Variants in MAFF observed in about 807,000 individuals in gnomAD.
The protein encoded by MAFF is MAF bZIP transcription factor F.
MAFF carries 4 observed loss-of-function variants against 2.7 expected under a neutral mutation model. The observed-to-expected ratio is 1.48, with a 90% CI of 0.73 to 3.39. The LOEUF is 3.39. MAFF is among the 30% of genes most tolerant of loss of function. The pLI is 0.01. For missense variants in MAFF, 190 were observed against 246.6 expected (o/e 0.77, Z 1.54); for synonymous variants, 113 against 119.4 (o/e 0.95, Z 0.35).
At position 38,215,485 on chromosome 22, in the gene MAFF, C is replaced by T. The variant is rs955106035; in HGVS notation, c.*607C>T. On this transcript the variant is annotated 3_prime_UTR_variant, in exon 3 of 3. Coordinates refer to ENST00000338483, the MANE Select transcript of MAFF (RefSeq NM_012323.4). ...AAAACCTGGGTGTCCTCACTGCTGC[C>T]CTGAGTCCAGCCATGGTTTTCAGGG... 2 of 167,196 alleles carry T rather than the reference C, an allele frequency of 1.2e-5. No individual in the cohort carries two copies. The highest frequency in any genetic ancestry group is 2.9e-5 in the Non-Finnish European group (2 of 68,198). 10.4% of individuals were successfully genotyped at this position (167,196 alleles called of 1,614,324 possible).
chr22:38,213,913 C>A, intron 2 of MAFF, 24 bp downstream of exon 2: 1 of 1,613,380 alleles, frequency 6.2e-7, no homozygotes, highest in South Asian at 1.1e-5. Flanking sequence ...CTCTGTCAAC[C>A]CAGTGAAGCC....
chr22:38,208,555 G>A (rs911801778), intron 1 of MAFF, among the ~76,000 whole-genome samples: 3 of 152,190 alleles, frequency 2.0e-5, no homozygotes, highest in Non-Finnish European at 2.9e-5. Flanking sequence ...CTTGGAACCC[G>A]GCTTGGTGAC....
chr22:38,214,489 G>A lies in MAFF; in HGVS notation c.106G>A (p.Glu36Lys), dbSNP rs1435280098. 1.9e-6 allele frequency: 3 copies of A among 1,610,384 alleles called. No homozygotes were observed. Among genetic ancestry groups the A allele is most frequent in the Non-Finnish European group, 2.5e-6 (3 of 1,179,476 alleles). The change falls in exon 3 of 3, where the codon GAG becomes AAG. Residue 36 changes from glutamate to lysine, a missense_variant. This residue lies in a region of MAFF where 87 missense variants were observed against 143.6 expected (regional missense o/e 0.61). Transcript: ENST00000338483. The surrounding 1 kb of genome is among the most constrained non-coding windows in gnomAD (Gnocchi z 6.3). ...DEALMGLSVRELNRHLRGLSA... is the reference protein window; with the variant it reads ...DEALMGLSVRKLNRHLRGLSA... Reference sequence around the variant, plus strand: ...GGCGCTGATGGGGCTGTCGGTGCGCGAGCTGAACCGGCATCTGCGCGGGCT... The same window carrying A: ...GGCGCTGATGGGGCTGTCGGTGCGCAAGCTGAACCGGCATCTGCGCGGGCT...
chr22:38,214,710 C>G lies in MAFF; in HGVS notation c.327C>G (p.Gly109=), dbSNP rs1191288342. The change falls in exon 3 of 3, where the codon GGC becomes GGG. Residue 109 remains glycine, a synonymous_variant. Transcript: ENST00000338483. This position sits in a 1 kb window ranked among gnomAD's most constrained non-coding sequence, Gnocchi z 6.3. ...AMRLELDALR[G]KCEALQGFAR... ...GCCTGGAGCTCGACGCGCTGCGCGG[C>G]AAGTGCGAGGCGCTGCAGGGCTTCG... 6.5e-7 allele frequency: 1 copy of G among 1,536,578 alleles called. No individual in the cohort carries two copies. The highest frequency in any genetic ancestry group is 8.7e-7 in the Non-Finnish European group (1 of 1,143,526).
chr22:38,214,038 C>A lies in MAFF; in HGVS notation c.36+149C>A. On this transcript the variant is annotated intron_variant, in intron 2 of 2. Transcript: ENST00000338483. This position sits in a 1 kb window ranked among gnomAD's most constrained non-coding sequence, Gnocchi z 6.3. The stretch of plus-strand genomic sequence containing the variant: ...ATGATGCCAAAGGGAAGGGCCACAG[C>A]CATGGGCTGGGACCAGGAGGCCTGG... 1.2e-6 allele frequency: 1 copy of A among 829,910 alleles called. No homozygotes were observed. The highest frequency in any genetic ancestry group is 1.9e-6 in the Non-Finnish European group (1 of 522,502). 51.4% of individuals were successfully genotyped at this position (829,910 alleles called of 1,614,324 possible). A position where few individuals can be genotyped will look rare whatever the true frequency, so the allele number is the denominator to read the frequency against.
chr22:38,210,623 AGTGTGTGTGTGTGTGTGTGT>A (rs71195095), intron 1 of MAFF, among the ~76,000 whole-genome samples: 1 of 132,918 alleles, frequency 7.5e-6, no homozygotes, highest in African/African-American at 2.9e-5. Flanking sequence ...GGACACAGGG[AGTGTGTGTGTGTGTGTGTGT>A]GTGTGTGTGT....
chr22:38,207,213 C>T (rs2091058713), intron 1 of MAFF, among the ~76,000 whole-genome samples: 1 of 150,116 alleles, frequency 6.7e-6, no homozygotes, highest in Non-Finnish European at 1.5e-5. Context: ...CTCTGCCTCC[C>T]AGGTTCTAAG....
chr22:38,208,164 G>C (rs2091067826), intron 1 of MAFF, among the ~76,000 whole-genome samples: 1 of 152,184 alleles, frequency 6.6e-6, no homozygotes, highest in Admixed American at 6.5e-5. Context: ...CTCCTGGACA[G>C]ACAGCAATTC....
chr22:38,214,816 G>T lies in MAFF; in HGVS notation c.433G>T (p.Gly145Cys), dbSNP rs773046312. 1.3e-5 allele frequency: 20 copies of T among 1,491,554 alleles called. No individual in the cohort carries two copies. The South Asian group carries it at 2.5e-4, about 19-fold the overall frequency. The allele number at this position is 1,491,554 out of a possible 1,614,324, so 92.4% of individuals were successfully genotyped here. ...SVITIVKSTP[G>C]SGSGPAHGPD... is the part of the protein sequence containing the mutation. ...CATCACCATCGTCAAGTCCACCCCG[G>T]GCTCGGGGTCTGGCCCCGCCCACGG... Residue 145 changes from glycine to cysteine, a missense_variant, in exon 3 of 3, where the codon GGC (glycine) becomes TGC (cysteine). Coordinates refer to ENST00000338483, the MANE Select transcript of MAFF (RefSeq NM_012323.4). This position sits in a 1 kb window ranked among gnomAD's most constrained non-coding sequence, Gnocchi z 6.3.
Position 38,214,725 on chromosome 22 carries a change from G to C in MAFF, c.342G>C (p.Leu114=), listed in dbSNP as rs973377784. The change falls in exon 3 of 3, where the codon CTG becomes CTC. Residue 114 remains leucine (L), a synonymous_variant. Coordinates refer to ENST00000338483, the MANE Select transcript of MAFF (RefSeq NM_012323.4). This position sits in a 1 kb window ranked among gnomAD's most constrained non-coding sequence, Gnocchi z 6.3. ...LDALRGKCEA[L]QGFARSVAAA... is the part of the protein sequence containing the mutation. ...CGCTGCGCGGCAAGTGCGAGGCGCTGCAGGGCTTCGCGCGCTCCGTGGCCG... is the reference window on the plus strand; with the variant it reads ...CGCTGCGCGGCAAGTGCGAGGCGCTCCAGGGCTTCGCGCGCTCCGTGGCCG... 1.9e-5 allele frequency: 28 copies of C among 1,491,174 alleles called. No homozygotes were observed. Among genetic ancestry groups the C allele is most frequent in the Non-Finnish European group, 2.5e-5 (28 of 1,127,084 alleles). The allele number at this position is 1,491,174 out of a possible 1,614,324, so 92.4% of individuals were successfully genotyped here. A position where few individuals can be genotyped will look rare whatever the true frequency, so the allele number is the denominator to read the frequency against.
intron 1 of MAFF, among the ~76,000 whole-genome samples, chr22:38,207,641 C>T (rs1030007652): frequency 2.0e-5 from 3 of 151,388 alleles, no homozygotes; most frequent in Non-Finnish European, 4.4e-5. Flanking sequence ...TGCTTTGTCA[C>T]CCAGGGAGTG....
At chr22:38,207,868 T>C (rs149661943) in intron 1 of MAFF, among the ~76,000 whole-genome samples, 192 of 152,286 alleles carry the variant, frequency 1.3e-3, no homozygotes, top group African/African-American at 4.3e-3. Flanking sequence ...CCTGGACTAC[T>C]CTATTGTCCT....
intron 1 of MAFF, among the ~76,000 whole-genome samples, chr22:38,204,796 G>A (rs772737663): frequency 8.5e-5 from 13 of 152,288 alleles, no homozygotes; most frequent in Admixed American, 2.6e-4. Flanking sequence ...ACAGGAATAC[G>A]GTTGAGGCCT....
intron 1 of MAFF, among the ~76,000 whole-genome samples, chr22:38,207,180 G>A (rs575685680): frequency 5.3e-5 from 8 of 152,002 alleles, no homozygotes; most frequent in African/African-American, 1.7e-4. Flanking sequence ...GAGTGCAGTC[G>A]CGTAATCTCG....
chr22:38,210,105 C>A (rs936882430), intron 1 of MAFF, among the ~76,000 whole-genome samples: 2 of 152,138 alleles, frequency 1.3e-5, no homozygotes, highest in Non-Finnish European at 2.9e-5. Flanking sequence ...TCAGGGGTCA[C>A]CCCATGAAGC....
At chr22:38,213,619 A>G (rs1351429368) in intron 1 of MAFF, 4 of 664,376 alleles carry the variant, frequency 6.0e-6, no homozygotes, top group Non-Finnish European at 1.1e-5. Flanking sequence ...CTAGAACAGT[A>G]AAGAGCACAG....
chr22:38,210,787 T>G (rs1020331029), intron 1 of MAFF, among the ~76,000 whole-genome samples: 1 of 151,972 alleles, frequency 6.6e-6, no homozygotes, highest in African/African-American at 2.4e-5. Flanking sequence ...AGGCCATGCG[T>G]CGTGGCTCAT....
At chr22:38,204,583 G>A (rs928207000) in intron 1 of MAFF, among the ~76,000 whole-genome samples, 2 of 152,178 alleles carry the variant, frequency 1.3e-5, no homozygotes, top group Admixed American at 1.3e-4. Flanking sequence ...GGGAACCCCA[G>A]AGAAACAGGA....
At chr22:38,207,960 C>T (rs1200669631) in intron 1 of MAFF, among the ~76,000 whole-genome samples, 1 of 152,166 alleles carries the variant, frequency 6.6e-6, no homozygotes, top group Admixed American at 6.5e-5. Context: ...GCCTTTGCAG[C>T]TATTCATTCA....
Sources: allele counts gnomAD v4.1 joint callset (sites outside exome capture counted in the v4.1 genomes callset), GRCh38; gene constraint gnomAD v4.1.1; regional missense constraint gnomAD v4.1.1; non-coding constraint Gnocchi (gnomAD v3.1); transcripts MANE v1.5; gene names NCBI Gene and HGNC (gene_info 2026-07-23, HGNC 2026-07-21).